Variants in PTPRT observed in about 807,000 individuals in gnomAD.
PTPRT encodes the protein receptor-type tyrosine-protein phosphatase T.
A neutral mutation model predicts 176.8 loss-of-function variants in PTPRT; 56 were observed. The observed-to-expected ratio is 0.32, with a 90% CI of 0.26 to 0.40. The LOEUF is 0.40. Ranked by LOEUF, PTPRT falls within the 10% of genes least tolerant of loss-of-function variation. The pLI is 1.00. For missense variants in PTPRT, 1,540 were observed against 1,908.2 expected (o/e 0.81, Z 3.60); for synonymous variants, 783 against 739.0 (o/e 1.06, Z -0.96).
At chr20:42,314,930 A>AT (rs775756384) in intron 12 of PTPRT, among the ~76,000 whole-genome samples, 1 of 151,556 alleles carries the variant, frequency 6.6e-6, no homozygotes, top group Non-Finnish European at 1.5e-5. Flanking sequence ...ATAAGCACTA[A>AT]TGCCAGTTAA....
intron 1 of PTPRT, among the ~76,000 whole-genome samples, chr20:43,035,748 C>T (rs946850956): frequency 6.6e-6 from 1 of 152,164 alleles, no homozygotes; most frequent in Non-Finnish European, 1.5e-5. Flanking sequence ...TTTAAGAAAA[C>T]AGAATTTGGA....
chr20:43,183,052 G>C (rs1324064149), intron 1 of PTPRT, among the ~76,000 whole-genome samples: 1 of 152,142 alleles, frequency 6.6e-6, no homozygotes, highest in African/African-American at 2.4e-5. Flanking sequence ...TTAGCACTCA[G>C]AAAGGCTGTT....
At chr20:42,597,642 C>T (rs888656532) in intron 7 of PTPRT, among the ~76,000 whole-genome samples, 10 of 152,134 alleles carry the variant, frequency 6.6e-5, no homozygotes, top group South Asian at 2.1e-4. Context: ...CCCTTAATTC[C>T]GCCATAATTT....
chr20:42,306,928 A>C (rs1245158265), intron 12 of PTPRT, among the ~76,000 whole-genome samples: 1 of 152,240 alleles, frequency 6.6e-6, no homozygotes, highest in Non-Finnish European at 1.5e-5. Context: ...TTGTGAGACC[A>C]ATCAAGGAAG....
chr20:43,122,861 T>C (rs551831050), intron 1 of PTPRT, among the ~76,000 whole-genome samples: 3 of 152,184 alleles, frequency 2.0e-5, no homozygotes, highest in Non-Finnish European at 4.4e-5. Context: ...TTGTTGTTGT[T>C]GTTGTTTTTG....
chr20:42,591,318 G>T lies in PTPRT; in HGVS notation c.1153+86548C>A, dbSNP rs1464692325. Among the ~76,000 whole-genome samples the T allele has an allele frequency of 2.0e-5, 3 of 152,088 alleles. No homozygotes were observed. The East Asian group carries it at 5.8e-4, about 29-fold the overall frequency. ...AAAAACAAAGACTTCTATGAAGGTT[G>T]AAGATAGGTACAATGTCAACCTGAA... On this transcript the variant is annotated intron_variant, in intron 7 of 30. Transcript: ENST00000373187.
intron 9 of PTPRT, among the ~76,000 whole-genome samples, chr20:42,374,897 G>A (rs1249067107): frequency 6.6e-6 from 1 of 152,090 alleles, no homozygotes; most frequent in African/African-American, 2.4e-5. Context: ...ACAGAGAGCA[G>A]AATCACAGCA....
At chr20:42,992,565 T>A (rs1983977605) in intron 1 of PTPRT, among the ~76,000 whole-genome samples, 1 of 152,204 alleles carries the variant, frequency 6.6e-6, no homozygotes, top group Non-Finnish European at 1.5e-5. Flanking sequence ...CAAAAAACTC[T>A]TAGTGTTTTA....
intron 1 of PTPRT, among the ~76,000 whole-genome samples, chr20:43,130,454 C>T (rs932584919): frequency 9.2e-5 from 14 of 152,152 alleles, no homozygotes; most frequent in African/African-American, 3.4e-4. Flanking sequence ...CCATGACCTA[C>T]ACAACAGCCA....
At chr20:42,402,350 G>C (rs1335856618) in intron 9 of PTPRT, among the ~76,000 whole-genome samples, 3 of 151,964 alleles carry the variant, frequency 2.0e-5, no homozygotes, top group African/African-American at 7.3e-5. Flanking sequence ...AACAGATGAG[G>C]GCCTATTTTC....
intron 7 of PTPRT, among the ~76,000 whole-genome samples, chr20:42,529,861 A>AG (rs1435793895): frequency 1.3e-5 from 2 of 151,734 alleles, no homozygotes; most frequent in African/African-American, 4.8e-5. Context: ...AAAAAAAAAA[A>AG]AAAAGAAAAA....
intron 2 of PTPRT, among the ~76,000 whole-genome samples, chr20:42,873,355 A>G (rs911143551): frequency 6.6e-6 from 1 of 152,208 alleles, no homozygotes; most frequent in Non-Finnish European, 1.5e-5. Context: ...GGTTTTGTGA[A>G]CCATAAAGGA....
chr20:42,375,542 C>T (rs969533633), intron 9 of PTPRT, among the ~76,000 whole-genome samples: 3 of 152,134 alleles, frequency 2.0e-5, no homozygotes, highest in African/African-American at 7.2e-5. Context: ...TAGGCCCTCA[C>T]CAGACACCAA....
rs117256305 is a variant in PTPRT at position 42,519,638 on chromosome 20, T to G, written c.1154-47076A>C. On this transcript the variant is annotated intron_variant, in intron 7 of 30. Coordinates refer to ENST00000373187, the MANE Select transcript of PTPRT (RefSeq NM_007050.6). ...TTCCAGATAGACAGACAGATATAGA[T>G]ATTGATGTGTGTTTGTGTGTATTCA... 1.2e-3 allele frequency among the ~76,000 whole-genome samples: 188 copies of G among 151,972 alleles called. 1 individual carries two copies. The highest frequency in any genetic ancestry group is 2.5e-3 in the Non-Finnish European group (169 of 67,976).
At chr20:42,088,357 G>T (rs1448540734) in intron 27 of PTPRT, among the ~76,000 whole-genome samples, 4 of 152,178 alleles carry the variant, frequency 2.6e-5, no homozygotes, top group Non-Finnish European at 4.4e-5. Flanking sequence ...CAGATGCAGG[G>T]TTTTCATCGA....
chr20:42,820,756 C>T (rs1451238795), intron 2 of PTPRT, among the ~76,000 whole-genome samples: 2 of 152,232 alleles, frequency 1.3e-5, no homozygotes, highest in East Asian at 1.9e-4. Context: ...CACAGAAATA[C>T]AAACTGCCAT....
chr20:42,896,042 G>C (rs968794896), intron 1 of PTPRT, among the ~76,000 whole-genome samples: 1 of 152,104 alleles, frequency 6.6e-6, no homozygotes. Context: ...CTAGCCCTAC[G>C]GATAAGGGAT....
chr20:42,459,548 C>T lies in PTPRT; in HGVS notation c.1451-11219G>A, dbSNP rs544823242. On this transcript the variant is annotated intron_variant, in intron 8 of 30. Coordinates refer to ENST00000373187, the MANE Select transcript of PTPRT (RefSeq NM_007050.6). ...TGGACCTAAGGGGTAGTAGTAGAGG[C>T]TGTGAGAAATGGTCAAGGTCTTGAC... 7.9e-5 allele frequency among the ~76,000 whole-genome samples: 12 copies of T among 152,266 alleles called. No individual in the cohort carries two copies. The East Asian group carries it at 2.3e-3, about 29-fold the overall frequency.
In PTPRT at chr20:42,791,348, G is replaced by A. The variant is rs2145548968; in HGVS notation, c.333C>T (p.Ser111=). 6.2e-7 allele frequency: 1 copy of A among 1,614,220 alleles called. No individual in the cohort carries two copies. The highest frequency in any genetic ancestry group is 8.5e-7 in the Non-Finnish European group (1 of 1,180,046). The change falls in exon 3 of 31, where the codon AGC becomes AGT. Residue 111 remains serine (S), a synonymous_variant. Coordinates refer to ENST00000373187, the MANE Select transcript of PTPRT (RefSeq NM_007050.6). Reference sequence around the variant, plus strand: ...AGGCCCCTGGGCTGGACCTGTCACGGCTGGAGAAGTAGTAATGGAAGTCGA... The same window carrying A: ...AGGCCCCTGGGCTGGACCTGTCACGACTGGAGAAGTAGTAATGGAAGTCGA... ...HCIDFHYYFS[S]RDRSSPGALN...
Sources: gnomAD v4.1 joint callset for allele counts (sites outside exome capture counted in the v4.1 genomes callset) on GRCh38, gnomAD v4.1.1 for gene constraint, MANE v1.5 for transcripts, NCBI Gene and HGNC (gene_info 2026-07-23, HGNC 2026-07-21) for gene names.